TBL1XR1: variants seen among roughly 807,000 people sequenced by gnomAD.
TBL1XR1 encodes F-box-like/WD repeat-containing protein TBL1XR1.
A neutral mutation model predicts 66.9 loss-of-function variants in TBL1XR1; 5 were observed. That is an observed-to-expected ratio of 0.07 (90% CI 0.04 to 0.16). The LOEUF (loss-of-function observed/expected upper bound fraction) is 0.16, where lower values mean the gene tolerates loss of function less well. Ranked by LOEUF, TBL1XR1 falls within the 10% of genes least tolerant of loss-of-function variation. TBL1XR1 has a pLI of 1.00. For missense variants in TBL1XR1, 238 were observed against 623.2 expected (o/e 0.38, Z 6.58); for synonymous variants, 210 against 206.0 (o/e 1.02, Z -0.17).
At chr3:177,172,289 C>T (rs978483400) in intron 1 of TBL1XR1, among the ~76,000 whole-genome samples, 2 of 145,116 alleles carry the variant, frequency 1.4e-5, no homozygotes, top group East Asian at 4.1e-4. Flanking sequence ...AATTATAACC[C>T]TTATAACCCA....
At chr3:177,098,916 GT>G (rs1267629627) in intron 1 of TBL1XR1, among the ~76,000 whole-genome samples, 2 of 151,830 alleles carry the variant, frequency 1.3e-5, no homozygotes, top group Non-Finnish European at 2.9e-5. Flanking sequence ...ATTCTATATT[GT>G]TTAATAATAA....
In TBL1XR1 at chr3:177,105,804, A is replaced by T. The variant is rs149881462; in HGVS notation, c.-121-7263T>A. Among the ~76,000 whole-genome samples the T allele has an allele frequency of 5.0e-3, 747 of 150,450 alleles. 6 individuals are homozygous for T. The highest frequency in any genetic ancestry group is 9.0e-3 in the Non-Finnish European group (612 of 67,626). On this transcript the variant is annotated intron_variant, in intron 1 of 15. Transcript: ENST00000457928. Reference sequence around the variant, plus strand: ...TGTCAGTGTGTGGGTGTGTGTGTGCATGTGTGTGATTCCAATGGGGACTGA... The same window carrying T: ...TGTCAGTGTGTGGGTGTGTGTGTGCTTGTGTGTGATTCCAATGGGGACTGA...
chr3:177,157,868 C>A (rs139768611), intron 1 of TBL1XR1, among the ~76,000 whole-genome samples: 13 of 152,176 alleles, frequency 8.5e-5, no homozygotes, highest in Non-Finnish European at 1.9e-4. Context: ...GGTAGTTGCA[C>A]AGGTATATAC....
At chr3:177,178,538 T>G (rs1734427372) in intron 1 of TBL1XR1, among the ~76,000 whole-genome samples, 1 of 152,140 alleles carries the variant, frequency 6.6e-6, no homozygotes, top group Non-Finnish European at 1.5e-5. Context: ...TGTTTAATAT[T>G]AAGTTCCTAA....
intron 12 of TBL1XR1, among the ~76,000 whole-genome samples, chr3:177,036,964 A>G (rs1202971233): frequency 2.0e-5 from 3 of 152,178 alleles, no homozygotes; most frequent in Middle Eastern, 3.2e-3. Context: ...GTTGTTCTTT[A>G]TCTCCAAATG....
chr3:177,082,591 G>A (rs946939054), intron 2 of TBL1XR1, among the ~76,000 whole-genome samples: 11 of 151,120 alleles, frequency 7.3e-5, no homozygotes, highest in East Asian at 5.8e-4. Context: ...TAACAGTTAT[G>A]CGTAACACTA....
rs1560188419 is a variant in TBL1XR1, at chr3:177,112,090, TA to T, written c.-121-13550del. ...ATAAAATCAAATATATATATATATA[TA>T]TATATATATATATATATTTTTTTTT... On this transcript the variant is annotated intron_variant, in intron 1 of 15. Transcript: ENST00000457928. Among the ~76,000 whole-genome samples, 69 of 52,384 alleles carry T rather than the reference TA, an allele frequency of 1.3e-3. 2 individuals are homozygous for T. The highest frequency in any genetic ancestry group is 4.0e-3 in the South Asian group (7 of 1,762). 34.4% of individuals were successfully genotyped at this position (52,384 alleles called of 152,430 possible). A position where few individuals can be genotyped will look rare whatever the true frequency, so the allele number is the denominator to read the frequency against.
At chr3:177,156,116 T>TAA (rs531101146) in intron 1 of TBL1XR1, among the ~76,000 whole-genome samples, 4 of 49,868 alleles carry the variant, frequency 8.0e-5, no homozygotes, top group African/African-American at 1.5e-4. Flanking sequence ...CAGAAACCAT[T>TAA]AAAAAAAAAA....
At chr3:177,122,383 A>AAT in intron 1 of TBL1XR1, among the ~76,000 whole-genome samples, 2 of 152,194 alleles carry the variant, frequency 1.3e-5, no homozygotes, top group East Asian at 3.9e-4. Flanking sequence ...GAGGTGATGT[A>AAT]ATAGAACTAA....
intron 10 of TBL1XR1, chr3:177,044,889 A>C (rs1489023404): frequency 2.6e-5 from 4 of 152,012 alleles, no homozygotes; most frequent in Admixed American, 2.6e-4. Flanking sequence ...ACTTTACATT[A>C]CTCCTAGGAT....
intron 1 of TBL1XR1, among the ~76,000 whole-genome samples, chr3:177,187,166 C>CAAA (rs11369670): frequency 1.5e-5 from 2 of 134,794 alleles, no homozygotes; most frequent in African/African-American, 2.8e-5. Flanking sequence ...GACTCTGTCT[C>CAAA]AAAAAAAAAA....
upstream of TBL1XR1, among the ~76,000 whole-genome samples, chr3:177,201,430 A>C (rs904259976): frequency 4.0e-5 from 6 of 151,688 alleles, no homozygotes; most frequent in African/African-American, 7.3e-5. Context: ...AAAAAAAAAA[A>C]AAAAAACAAA....
chr3:177,170,826 A>G (rs1432142437), intron 1 of TBL1XR1, among the ~76,000 whole-genome samples: 2 of 151,784 alleles, frequency 1.3e-5, no homozygotes, highest in Non-Finnish European at 2.9e-5. Flanking sequence ...GCTGGTCTCA[A>G]ACTCCTGAGC....
At chr3:177,046,396 T>G (rs1258504949) in intron 9 of TBL1XR1, among the ~76,000 whole-genome samples, 1 of 152,158 alleles carries the variant, frequency 6.6e-6, no homozygotes, top group Admixed American at 6.6e-5. Flanking sequence ...GATTTTGCAT[T>G]GGTCAACTTA....
chr3:177,163,174 G>A (rs1732425374), intron 1 of TBL1XR1, among the ~76,000 whole-genome samples: 1 of 152,050 alleles, frequency 6.6e-6, no homozygotes, highest in Non-Finnish European at 1.5e-5. Context: ...GTTAAACTAT[G>A]GAGTACCAAT....
intron 2 of TBL1XR1, among the ~76,000 whole-genome samples, chr3:177,078,317 G>C (rs1720939519): frequency 6.6e-6 from 1 of 152,180 alleles, no homozygotes; most frequent in South Asian, 2.1e-4. Flanking sequence ...ATTCGGCTGA[G>C]TGCATGGTTC....
chr3:177,055,695 G>A (rs1349098589), intron 3 of TBL1XR1, among the ~76,000 whole-genome samples: 1 of 152,094 alleles, frequency 6.6e-6, no homozygotes, highest in Non-Finnish European at 1.5e-5. Context: ...GAGAAACAAT[G>A]AGAGACATAG....
At chr3:177,173,522 C>G (rs887508530) in intron 1 of TBL1XR1, among the ~76,000 whole-genome samples, 4 of 152,118 alleles carry the variant, frequency 2.6e-5, no homozygotes, top group Admixed American at 6.6e-5. Context: ...TAACCTCAGT[C>G]TAATCATTAC....
At chr3:177,099,421 CT>C (rs1723917218) in intron 1 of TBL1XR1, 1 of 152,228 alleles carries the variant, frequency 6.6e-6, no homozygotes, top group African/African-American at 2.4e-5. Flanking sequence ...AGAGGAGACT[CT>C]TAGTTGGAAC....
Sources: allele counts gnomAD v4.1 joint callset (sites outside exome capture counted in the v4.1 genomes callset), GRCh38; gene constraint gnomAD v4.1.1; transcripts MANE v1.5; gene names NCBI Gene and HGNC (gene_info 2026-07-23, HGNC 2026-07-21).